Variants in ME3 observed in about 807,000 individuals in gnomAD.
ME3 encodes NADP-dependent malic enzyme, mitochondrial.
Under a neutral mutation model 68.9 loss-of-function variants are expected in ME3, and 48 were observed. The observed-to-expected ratio is 0.70, with a 90% confidence interval of 0.55 to 0.89. ME3 has a LOEUF of 0.89. ME3 is among the 40% of genes least tolerant of loss of function. The probability of loss-of-function intolerance (pLI) is 0.00; values close to 1 mark genes in which losing one functional copy is unlikely to be tolerated. For missense variants in ME3, 675 were observed against 797.4 expected, an observed-to-expected ratio of 0.85 and a Z score of 1.85; for synonymous variants, 320 against 318.8, an observed-to-expected ratio of 1.00 and a Z score of -0.04.
exon 14 of ME3, chr11:86,442,848 T>A (rs750049499): frequency 6.2e-7 from 1 of 1,613,268 alleles, no homozygotes; most frequent in Non-Finnish European, 8.5e-7. Context: ...AAGACACGTC[T>A]CGGATGGTGC....
chr11:86,470,532 G>A (rs922830989), intron 7 of ME3, among the ~76,000 whole-genome samples: 20 of 152,148 alleles, frequency 1.3e-4, no homozygotes, highest in African/African-American at 4.6e-4. Context: ...GGAAAACTCT[G>A]TGTGTTACAC....
At chr11:86,573,945 GTA>G (rs1957945813) in intron 2 of ME3, among the ~76,000 whole-genome samples, 2 of 152,198 alleles carry the variant, frequency 1.3e-5, no homozygotes, top group South Asian at 4.1e-4. Flanking sequence ...ATTGATTTAT[GTA>G]TGTTGAACCA....
intron 5 of ME3, among the ~76,000 whole-genome samples, chr11:86,507,027 A>C (rs1348163768): frequency 6.6e-6 from 1 of 152,236 alleles, no homozygotes; most frequent in African/African-American, 2.4e-5. Context: ...GATGTAAAAA[A>C]TGAGCTAGGA....
chr11:86,527,702 C>G (rs184159057), intron 4 of ME3, among the ~76,000 whole-genome samples: 1,976 of 152,256 alleles, frequency 0.013, 41 homozygotes, highest in African/African-American at 0.044. Flanking sequence ...GGCCAATATT[C>G]AACATTCTTA....
intron 4 of ME3, among the ~76,000 whole-genome samples, chr11:86,512,819 GTACCAGAATA>G (rs1953638979): frequency 1.3e-5 from 2 of 152,132 alleles, no homozygotes; most frequent in South Asian, 2.1e-4. Flanking sequence ...CAGGTGAAGG[GTACCAGAATA>G]TGCCATCCTA....
intron 2 of ME3, among the ~76,000 whole-genome samples, chr11:86,670,631 C>T (rs619829): frequency 0.99 from 150,103 of 152,320 alleles, 73,989 homozygotes; most frequent in Non-Finnish European, 1. Flanking sequence ...TTTCCTTAGC[C>T]GCTTCTATTA....
At chr11:86,496,237 C>T (rs113987761) in intron 6 of ME3, among the ~76,000 whole-genome samples, 8,339 of 152,194 alleles carry the variant, frequency 0.055, 312 homozygotes, top group Non-Finnish European at 0.085. Context: ...GAAACCCCAT[C>T]TCGACTAAAA....
chr11:86,461,004 A>C (rs1027779167), intron 8 of ME3, among the ~76,000 whole-genome samples: 3 of 152,328 alleles, frequency 2.0e-5, no homozygotes, highest in Admixed American at 1.3e-4. Flanking sequence ...TAGGAGTTAG[A>C]GGAAGGAATG....
intron 2 of ME3, among the ~76,000 whole-genome samples, chr11:86,618,277 G>A (rs190423860): frequency 8.6e-6 from 1 of 116,762 alleles, no homozygotes; most frequent in Non-Finnish European, 1.7e-5. Context: ...CCCTGCCTGG[G>A]CGACAGAGCA....
intron 2 of ME3, among the ~76,000 whole-genome samples, chr11:86,630,528 C>T (rs765450673): frequency 2.6e-5 from 4 of 152,216 alleles, no homozygotes; most frequent in Non-Finnish European, 4.4e-5. Context: ...GTGCTTTACA[C>T]GCAAGCTTCC....
At chr11:86,647,472 G>A (rs145269399) in intron 2 of ME3, among the ~76,000 whole-genome samples, 5,897 of 147,852 alleles carry the variant, frequency 0.04, 151 homozygotes, top group Non-Finnish European at 0.06. Flanking sequence ...GAGACACAGC[G>A]AGACTCCATC....
rs149293636 is a variant in ME3, at chr11:86,462,755, A to G, written c.919+2336T>C. The G allele has an allele frequency of 1.4e-3, 659 of 483,550 alleles. 2 individuals carry two copies. The highest frequency in any genetic ancestry group is 3.6e-3 in the Middle Eastern group (7 of 1,922). The allele number at this position is 483,550 out of a possible 1,614,324, so 30.0% of individuals were successfully genotyped here. A position where few individuals can be genotyped will look rare whatever the true frequency, so the allele number is the denominator to read the frequency against. On this transcript the variant is annotated intron_variant, in intron 8 of 14. Transcript: ENST00000543262. Reference sequence around the variant, plus strand: ...CTTCTGGGAAGGCAGACAATGCAATACAGGCTTTTGGGGTACAATGAAGTA... The same window carrying G: ...CTTCTGGGAAGGCAGACAATGCAATGCAGGCTTTTGGGGTACAATGAAGTA...
At chr11:86,626,876 T>C (rs1943698069) in intron 2 of ME3, among the ~76,000 whole-genome samples, 1 of 152,208 alleles carries the variant, frequency 6.6e-6, no homozygotes, top group African/African-American at 2.4e-5. Context: ...TTCATTATAT[T>C]ATATCCCCTC....
chr11:86,548,042 G>C (rs1028248010), intron 4 of ME3, among the ~76,000 whole-genome samples: 1 of 152,168 alleles, frequency 6.6e-6, no homozygotes, highest in Non-Finnish European at 1.5e-5. Context: ...CTGCATTTGT[G>C]GGGGCTGCTC....
intron 2 of ME3, among the ~76,000 whole-genome samples, chr11:86,635,373 C>T (rs565356565): frequency 6.6e-6 from 1 of 152,344 alleles, no homozygotes; most frequent in East Asian, 1.9e-4. Flanking sequence ...TCACCAGAAA[C>T]CATGATGGTA....
intron 2 of ME3, among the ~76,000 whole-genome samples, chr11:86,561,362 A>G (rs1957225551): frequency 6.6e-6 from 1 of 152,162 alleles, no homozygotes; most frequent in Non-Finnish European, 1.5e-5. Context: ...TTAGAAGGCA[A>G]GATTTGGGCA....
intron 2 of ME3, among the ~76,000 whole-genome samples, chr11:86,607,506 G>C (rs545782378): frequency 6.8e-6 from 1 of 147,184 alleles, no homozygotes; most frequent in Non-Finnish European, 1.5e-5. Context: ...AATAGAGCCT[G>C]GTGAATATCA....
chr11:86,465,127 G>A (rs759524876), exon 8 of ME3: 11 of 1,613,554 alleles, frequency 6.8e-6, no homozygotes, highest in Non-Finnish European at 9.3e-6. Context: ...TACTTGTTAC[G>A]GTATTTGTTG....
intron 11 of ME3, 150 bp downstream of exon 11, chr11:86,448,000 A>G (rs1949418893): frequency 4.9e-6 from 3 of 616,286 alleles, no homozygotes; most frequent in South Asian, 2.0e-5. Context: ...TAGTCACTCA[A>G]TAAAAGTTTG....
Sources: gnomAD v4.1 joint callset for allele counts (sites outside exome capture counted in the v4.1 genomes callset) on GRCh38, gnomAD v4.1.1 for gene constraint, MANE v1.5 for transcripts, NCBI Gene and HGNC (gene_info 2026-07-23, HGNC 2026-07-21) for gene names.